TPRG1: variants seen among roughly 807,000 people sequenced by gnomAD.
The protein encoded by TPRG1 is tumor protein p63-regulated gene 1 protein.
In TPRG1, 29 loss-of-function variants were observed where a neutral mutation model predicts 29.3. The ratio of observed to expected loss-of-function variants is 0.99; its 90% confidence interval spans 0.74 to 1.35. The LOEUF is 1.35. Ranked by LOEUF, TPRG1 falls within the 40% of genes most tolerant of loss-of-function variation. TPRG1 has a pLI of 0.00. For missense variants in TPRG1, 327 were observed against 335.0 expected (o/e 0.98, Z 0.19); for synonymous variants, 130 against 116.8 (o/e 1.11, Z -0.73).
At chr3:189,031,566 T>C (rs752212157) in intron 4 of TPRG1, among the ~76,000 whole-genome samples, 15 of 152,228 alleles carry the variant, frequency 9.9e-5, no homozygotes, top group Non-Finnish European at 1.5e-4. Context: ...TCTCTTTCTG[T>C]TGTGGCTATC....
At position 189,215,378 on chromosome 3, in the gene TPRG1, G is replaced by A. The variant is rs780355022; in HGVS notation, c.297G>A (p.Leu99=). The A allele has an allele frequency of 5.0e-6, 8 of 1,610,984 alleles. No individual in the cohort carries two copies. In the East Asian group the frequency reaches 1.6e-4, roughly 32 times the overall value. The change falls in exon 3 of 6, where the codon TTG becomes TTA. Residue 99 remains leucine (L), a synonymous_variant. Transcript: ENST00000345063. ...AGACCATTCAAGGCTTCTGGCTCTT[G>A]ACAAAGTGAGTAGTCACAGCTAAGT... ...SGETIQGFWL[L]TKIDHWNNEK...
intron 1 of TPRG1, among the ~76,000 whole-genome samples, chr3:189,125,344 T>A (rs1022013395): frequency 6.6e-6 from 1 of 152,198 alleles, no homozygotes; most frequent in African/African-American, 2.4e-5. Flanking sequence ...CCTCCCGTAT[T>A]GTTTTTGAGG....
upstream of TPRG1, among the ~76,000 whole-genome samples, chr3:189,095,361 A>G (rs1560440747): frequency 6.6e-6 from 1 of 152,140 alleles, no homozygotes; most frequent in Non-Finnish European, 1.5e-5. Context: ...TCTCAGTGGC[A>G]TGTCTCTTCC....
chr3:189,197,933 C>T (rs1364728182), intron 1 of TPRG1, among the ~76,000 whole-genome samples: 1 of 152,154 alleles, frequency 6.6e-6, no homozygotes, highest in Admixed American at 6.6e-5. Flanking sequence ...ATTCTTAAGG[C>T]AACTGGAATA....
At chr3:189,130,459 A>G (rs762903915) in intron 2 of TPRG1, among the ~76,000 whole-genome samples, 1 of 152,258 alleles carries the variant, frequency 6.6e-6, no homozygotes, top group African/African-American at 2.4e-5. Context: ...CCTTACAGGT[A>G]TAATCTCAGT....
chr3:189,142,819 T>C (rs1047781962), intron 3 of TPRG1, among the ~76,000 whole-genome samples: 1 of 152,236 alleles, frequency 6.6e-6, no homozygotes, highest in African/African-American at 2.4e-5. Context: ...TCAGGCTCAG[T>C]GGAGAAACTC....
At chr3:189,171,692 C>T (rs926648506), upstream of TPRG1, among the ~76,000 whole-genome samples, 33 of 152,168 alleles carry the variant, frequency 2.2e-4, no homozygotes, top group African/African-American at 7.2e-4. Context: ...AGGCCTCAGG[C>T]TTAAGCTTAA....
At chr3:189,222,972 T>A (rs1737163964) in intron 3 of TPRG1, among the ~76,000 whole-genome samples, 1 of 152,206 alleles carries the variant, frequency 6.6e-6, no homozygotes, top group African/African-American at 2.4e-5. Context: ...CCTTTCCATA[T>A]TGATTCAACT....
chr3:189,014,568 A>T (rs1712821235), intron 3 of TPRG1, among the ~76,000 whole-genome samples: 1 of 152,178 alleles, frequency 6.6e-6, no homozygotes, highest in Non-Finnish European at 1.5e-5. Flanking sequence ...TTGAATTAGA[A>T]TTCCCACATT....
At chr3:189,104,578 C>T (rs1176900820) in intron 1 of TPRG1, among the ~76,000 whole-genome samples, 6 of 151,790 alleles carry the variant, frequency 4.0e-5, no homozygotes, top group Non-Finnish European at 8.8e-5. Context: ...CAGAAGAAAG[C>T]CCCGATTTGT....
chr3:189,312,617 G>A (rs977280970), intron 5 of TPRG1, among the ~76,000 whole-genome samples: 5 of 152,106 alleles, frequency 3.3e-5, no homozygotes, highest in African/African-American at 4.8e-5. Context: ...GAAGTTCAGC[G>A]TGAGGAATTA....
chr3:189,161,804 G>T (rs1279865412), intron 5 of TPRG1, among the ~76,000 whole-genome samples: 1 of 152,162 alleles, frequency 6.6e-6, no homozygotes, highest in Non-Finnish European at 1.5e-5. Flanking sequence ...GGCAGATACT[G>T]CACGTGCTGT....
chr3:189,280,325 A>G (rs1716905475), intron 4 of TPRG1, among the ~76,000 whole-genome samples: 1 of 152,166 alleles, frequency 6.6e-6, no homozygotes, highest in Non-Finnish European at 1.5e-5. Flanking sequence ...ATATAAATGA[A>G]TGGAAGACAT....
rs555964454 is a variant in TPRG1 at position 189,193,132 on chromosome 3, ATTT to A, written c.-9-14225_-9-14223del. Among the ~76,000 whole-genome samples the A allele has an allele frequency of 6.2e-4, 56 of 90,246 alleles. 1 individual carries two copies. The highest frequency in any genetic ancestry group is 5.4e-4 in the Non-Finnish European group (26 of 47,972). 59.2% of individuals were successfully genotyped at this position (90,246 alleles called of 152,430 possible). On this transcript the variant is annotated intron_variant, in intron 1 of 5. Coordinates refer to ENST00000345063, the MANE Select transcript of TPRG1 (RefSeq NM_198485.4). ...ATTCTCTCTTTGTTTTTGACTTTTA[ATTT>A]TTTTTTTTTTTTTTTTTTGAGATGA...
chr3:189,134,653 G>A (rs1175094430), intron 3 of TPRG1, among the ~76,000 whole-genome samples: 3 of 152,090 alleles, frequency 2.0e-5, no homozygotes, highest in Non-Finnish European at 4.4e-5. Context: ...CTGGCCTCAA[G>A]CAATCGTCTT....
chr3:189,185,609 C>T (rs1271834043), intron 1 of TPRG1, among the ~76,000 whole-genome samples: 3 of 138,704 alleles, frequency 2.2e-5, no homozygotes. Flanking sequence ...GCAAAGAACA[C>T]TAGAAAATGT....
At chr3:189,157,140 T>G (rs1661615662) in intron 5 of TPRG1, among the ~76,000 whole-genome samples, 1 of 152,190 alleles carries the variant, frequency 6.6e-6, no homozygotes, top group African/African-American at 2.4e-5. Flanking sequence ...AGCCAATGTT[T>G]TCAAAGAGGC....
chr3:189,205,532 G>A (rs193215519), intron 1 of TPRG1, among the ~76,000 whole-genome samples: 2 of 152,314 alleles, frequency 1.3e-5, no homozygotes, highest in Non-Finnish European at 2.9e-5. Flanking sequence ...TTCAAAAGCG[G>A]AAGCTTGCTG....
At chr3:189,010,995 TC>T (rs1428033509) in intron 3 of TPRG1, among the ~76,000 whole-genome samples, 1 of 152,312 alleles carries the variant, frequency 6.6e-6, no homozygotes, top group East Asian at 1.9e-4. Context: ...TAGCCAGTTC[TC>T]CCAGCACCAT....
Sources: gnomAD v4.1 joint callset for allele counts (sites outside exome capture counted in the v4.1 genomes callset) on GRCh38, gnomAD v4.1.1 for gene constraint, MANE v1.5 for transcripts, NCBI Gene and HGNC (gene_info 2026-07-23, HGNC 2026-07-21) for gene names.